Variants in MFSD1 observed in about 807,000 individuals in gnomAD.
MFSD1 encodes the protein major facilitator superfamily domain containing 1, also known as lysosomal dipeptide transporter MFSD1.
Under a neutral mutation model 67.1 loss-of-function variants are expected in MFSD1, and 59 were observed. The ratio of observed to expected loss-of-function variants is 0.88; its 90% confidence interval spans 0.71 to 1.09. The LOEUF is 1.09. MFSD1 is among the 50% of genes least tolerant of loss of function. The pLI is 0.00. For synonymous variants in MFSD1, 213 were observed against 200.3 expected, an observed-to-expected ratio of 1.06 and a Z score of -0.54; for missense variants, 552 against 566.1, an observed-to-expected ratio of 0.97 and a Z score of 0.25.
Position 158,809,222 on chromosome 3 carries a change from G to A in MFSD1, c.484G>A (p.Val162Met). 6.2e-7 allele frequency: 1 copy of A among 1,607,574 alleles called. No individual in the cohort carries two copies. The highest frequency in any genetic ancestry group is 8.5e-7 in the Non-Finnish European group (1 of 1,177,744). The change falls in exon 6 of 16, where the codon GTG (valine) becomes ATG (methionine). Residue 162 changes from valine (V) to methionine (M), a missense_variant. Val to Met is a conservative substitution (Grantham distance 21, BLOSUM62 1). Coordinates refer to ENST00000415822, the MANE Select transcript of MFSD1 (RefSeq NM_022736.4). Reference sequence around the variant, plus strand: ...AGCAGTTGCCCAGAATACATATGCTGTGAGCTGGTTTAAAGGCAAAGAATT... The same window carrying A: ...AGCAGTTGCCCAGAATACATATGCTATGAGCTGGTTTAAAGGCAAAGAATT... Reference protein sequence around the residue: ...SLAVAQNTYAVSWFKGKELNL... With the variant: ...SLAVAQNTYAMSWFKGKELNL...
intron 9 of MFSD1, 135 bp downstream of exon 9, chr3:158,820,461 C>G: frequency 1.6e-6 from 1 of 614,084 alleles, no homozygotes; most frequent in Non-Finnish European, 2.9e-6. Flanking sequence ...TACTTTAGAT[C>G]CTGGGATATA....
chr3:158,826,089 C>G lies in MFSD1; in HGVS notation c.1336+27C>G, dbSNP rs373114677. On this transcript the variant is annotated intron_variant, in intron 14 of 15. Transcript: ENST00000415822. The stretch of plus-strand genomic sequence containing the variant: ...TAAGTAGAAGATCTGATATTTGCTT[C>G]TTAAACCGCAGTGGATCATCTTGTG... 6.2e-6 allele frequency: 10 copies of G among 1,603,666 alleles called. No individual in the cohort carries two copies. The African/African-American group carries it at 1.2e-4, about 19-fold the overall frequency.
At position 158,826,062 on chromosome 3, in the gene MFSD1, G is replaced by A. The variant is rs760758886; in HGVS notation, c.1336G>A (p.Gly446Ser). Residue 446 changes from glycine to serine, a missense_variant and splice_region_variant, in exon 14 of 16, where the codon GGT becomes AGT. Physicochemically the swap from Gly to Ser is moderately conservative, Grantham distance 56. Transcript: ENST00000415822. ...ACTCTATTTGGTGAATCGTGCCCAG[G>A]GTAAGTAGAAGATCTGATATTTGCT... is the stretch of plus-strand genomic sequence containing the variant. ...VLLYLVNRAQ[G>S]GNLNYSARQR... The A allele has an allele frequency of 3.7e-6, 6 of 1,613,128 alleles. No individual in the cohort carries two copies. The highest frequency in any genetic ancestry group is 3.3e-5 in the Admixed American group (2 of 59,970).
chr3:158,804,463 C>A, intron 2 of MFSD1, 92 bp downstream of exon 2: 1 of 932,986 alleles, frequency 1.1e-6, no homozygotes, highest in Non-Finnish European at 1.7e-6. Context: ...CCTAGTCTCA[C>A]GTGTCCGCTG....
At chr3:158,821,783 G>T (rs1730691802) in intron 10 of MFSD1, 130 bp downstream of exon 10, 2 of 957,400 alleles carry the variant, frequency 2.1e-6, no homozygotes, top group Non-Finnish European at 3.2e-6. Context: ...GACTACATTG[G>T]GACTTGAATC....
intron 15 of MFSD1, among the ~76,000 whole-genome samples, chr3:158,828,768 A>G (rs965138660): frequency 9.5e-6 from 1 of 105,412 alleles, no homozygotes; most frequent in African/African-American, 3.3e-5. Context: ...TCAGAATATT[A>G]ATTAAAAACT....
Position 158,802,239 on chromosome 3 carries a change from C to T in MFSD1, c.87C>T (p.Ala29=), listed in dbSNP as rs1418991537. The stretch of plus-strand genomic sequence containing the variant: ...GAGGTGCCCCGGCCGCCCCTGGAGC[C>T]CTGCCGGCCCTCTGCGACCCCAGTC... ...ADRGAPAAPG[A]LPALCDPSRL... The change falls in exon 1 of 16, where the codon GCC becomes GCT. Residue 29 remains alanine (A), a synonymous_variant. Transcript: ENST00000415822. 1.2e-6 allele frequency: 2 copies of T among 1,611,282 alleles called. No homozygotes were observed. Among genetic ancestry groups the T allele is most frequent in the Admixed American group, 1.7e-5 (1 of 59,840 alleles).
Position 158,802,110 on chromosome 3 carries a change from T to G in MFSD1, c.-43T>G. 6.2e-7 allele frequency: 1 copy of G among 1,605,622 alleles called. No individual in the cohort carries two copies. On this transcript the variant is annotated 5_prime_UTR_variant, in exon 1 of 16. Transcript: ENST00000415822. The stretch of plus-strand genomic sequence containing the variant: ...ACGGGCGCTGCTTCCTGCCTGGGTT[T>G]GGAGTTGTCACCACTTTCCCCTCTC...
At position 158,824,144 on chromosome 3, in the gene MFSD1, T is replaced by C. The variant is rs1236403226; in HGVS notation, c.1196T>C (p.Leu399Pro). The change falls in exon 13 of 16, where the codon CTT becomes CCT. Residue 399 changes from leucine to proline, a missense_variant. Leu to Pro is a moderately conservative substitution (Grantham distance 98). Transcript: ENST00000415822. ...AYGFMQSIQN[L>P]GLAIISIIAG... ...TGTAGCATGCAGTCCATTCAGAATC[T>C]TGGGTTGGCCATCATTTCCATCATT... 1 of 1,612,994 alleles carries C rather than the reference T, an allele frequency of 6.2e-7. No homozygotes were observed. Among genetic ancestry groups the C allele is most frequent in the East Asian group, 2.2e-5 (1 of 44,848 alleles).
Position 158,819,591 on chromosome 3 carries a change from C to T in MFSD1, c.653-58C>T, listed in dbSNP as rs148462503. 472 of 978,436 alleles carry T rather than the reference C, an allele frequency of 4.8e-4. 1 individual carries two copies. In the African/African-American group the frequency reaches 7.3e-3, roughly 15 times the overall value. 60.6% of individuals were successfully genotyped at this position (978,436 alleles called of 1,614,324 possible). On this transcript the variant is annotated intron_variant, in intron 7 of 15. Coordinates refer to ENST00000415822, the MANE Select transcript of MFSD1 (RefSeq NM_022736.4). ...TATGTAATGTACTTCTCCTTAGGAACCTTCTGTTTGGTTCTCTTTTCAAAG... is the reference window on the plus strand; with the variant it reads ...TATGTAATGTACTTCTCCTTAGGAATCTTCTGTTTGGTTCTCTTTTCAAAG...
chr3:158,815,012 G>T (rs940428803), intron 7 of MFSD1, among the ~76,000 whole-genome samples: 2 of 152,180 alleles, frequency 1.3e-5, no homozygotes, highest in Non-Finnish European at 2.9e-5. Flanking sequence ...AACCTGGGAG[G>T]TGGAGGTTGA....
Position 158,809,169 on chromosome 3 carries a change from CTA to C in MFSD1, c.441-8_441-7del. On this transcript the variant is annotated splice_polypyrimidine_tract_variant and splice_region_variant and intron_variant, in intron 5 of 15. Coordinates refer to ENST00000415822, the MANE Select transcript of MFSD1 (RefSeq NM_022736.4). The stretch of plus-strand genomic sequence containing the variant: ...TGACTTCTGGTTTTTTTTTTTTTTT[CTA>C]TTTTTAGGATTGGTGGCGAGTCCTT... 1.2e-6 allele frequency: 1 copy of C among 828,148 alleles called. No homozygotes were observed. The highest frequency in any genetic ancestry group is 1.6e-6 in the Non-Finnish European group (1 of 609,246). The allele number at this position is 828,148 out of a possible 1,614,324, so 51.3% of individuals were successfully genotyped here.
In MFSD1 at chr3:158,802,634, G is replaced by A. The variant is rs1208163589; in HGVS notation, c.163+319G>A. ...TATGAAGGTAACTCCAGATTTTCAA[G>A]GTTCCTCTTTTGGCACACGTGGTCG... is the stretch of plus-strand genomic sequence containing the variant. On this transcript the variant is annotated intron_variant, in intron 1 of 15. Transcript: ENST00000415822. 3 of 610,212 alleles carry A rather than the reference G, an allele frequency of 4.9e-6. No homozygotes were observed. In the East Asian group the frequency reaches 1.0e-4, roughly 21 times the overall value. 37.8% of individuals were successfully genotyped at this position (610,212 alleles called of 1,614,324 possible). A position where few individuals can be genotyped will look rare whatever the true frequency, so the allele number is the denominator to read the frequency against.
In MFSD1 at chr3:158,824,395, T is replaced by TC. The variant is rs2108234883; in HGVS notation, c.1288+159_1288+160insC. The TC allele has an allele frequency of 4.8e-6, 3 of 624,776 alleles. No homozygotes were observed. In the East Asian group the frequency reaches 8.0e-5, roughly 17 times the overall value. 38.7% of individuals were successfully genotyped at this position (624,776 alleles called of 1,614,324 possible). ...GCCCTCTGAAGATTCACAGGCATTT[T>TC]TTAGGAGATTCCTATCCTTAAAGGC... On this transcript the variant is annotated intron_variant, in intron 13 of 15. Coordinates refer to ENST00000415822, the MANE Select transcript of MFSD1 (RefSeq NM_022736.4).
At chr3:158,827,848 G>GA (rs985969888) in intron 15 of MFSD1, among the ~76,000 whole-genome samples, 5 of 147,044 alleles carry the variant, frequency 3.4e-5, no homozygotes, top group African/African-American at 1.3e-4. Flanking sequence ...TTGAAACGAA[G>GA]AAAAAAAATA....
chr3:158,810,240 T>C (rs1272365742), intron 6 of MFSD1, among the ~76,000 whole-genome samples: 1 of 152,188 alleles, frequency 6.6e-6, no homozygotes, highest in Non-Finnish European at 1.5e-5. Flanking sequence ...TAATGCAAAC[T>C]ATAAGGTGTG....
Position 158,805,355 on chromosome 3 carries a change from C to G in MFSD1, c.217-7C>G. On this transcript the variant is annotated splice_polypyrimidine_tract_variant and splice_region_variant and intron_variant, in intron 2 of 15. Transcript: ENST00000415822. The stretch of plus-strand genomic sequence containing the variant: ...GAAAAAAATAGTTTTATTTTCTTTT[C>G]ATATAGGATATGCAAGTGAATACCA... 6.3e-7 allele frequency: 1 copy of G among 1,596,576 alleles called. No homozygotes were observed. Among genetic ancestry groups the G allele is most frequent in the African/African-American group, 1.3e-5 (1 of 74,708 alleles).
chr3:158,819,618 C>G, intron 7 of MFSD1, 31 bp from the exon 8 acceptor site: 1 of 1,212,628 alleles, frequency 8.2e-7, no homozygotes, highest in South Asian at 1.4e-5. Context: ...TTTTCAAAGT[C>G]TGTTTTTCTT....
chr3:158,824,279 A>G (rs1400332921), intron 13 of MFSD1, 43 bp downstream of exon 13: 1 of 1,355,924 alleles, frequency 7.4e-7, no homozygotes. Context: ...TTTACTACAT[A>G]ACAGAATGTT....
Sources: allele counts gnomAD v4.1 joint callset (sites outside exome capture counted in the v4.1 genomes callset), GRCh38; gene constraint gnomAD v4.1.1; transcripts MANE v1.5; gene names NCBI Gene and HGNC (gene_info 2026-07-23, HGNC 2026-07-21).